Variants in UBE2V2 observed in about 807,000 individuals in gnomAD.
UBE2V2 encodes ubiquitin-conjugating enzyme E2 variant 2.
UBE2V2 carries 9 observed loss-of-function variants against 17.2 expected under a neutral mutation model. That is an observed-to-expected ratio of 0.52 (90% CI 0.32 to 0.91). The LOEUF (loss-of-function observed/expected upper bound fraction) is 0.91. Among genes scored for constraint, UBE2V2 ranks in the 40% least tolerant of loss-of-function variants. The pLI, the probability that UBE2V2 is intolerant of heterozygous loss-of-function variation, is 0.04. For synonymous variants in UBE2V2, 61 were observed against 57.5 expected (o/e 1.06, Z -0.28); for missense variants, 133 against 182.6 (o/e 0.73, Z 1.56).
chr8:48,031,965 C>T (rs2091386322), intron 1 of UBE2V2, among the ~76,000 whole-genome samples: 1 of 152,074 alleles, frequency 6.6e-6, no homozygotes, highest in African/African-American at 2.4e-5. Flanking sequence ...TTTTTTTCTG[C>T]TATATTTCAT....
At chr8:48,010,066 A>T (rs1264712344) in intron 1 of UBE2V2, among the ~76,000 whole-genome samples, 1 of 152,186 alleles carries the variant, frequency 6.6e-6, no homozygotes, top group Non-Finnish European at 1.5e-5. Context: ...ATTAAACACA[A>T]TTTTTTCATA....
chr8:48,020,436 G>T (rs2091297307), intron 1 of UBE2V2, among the ~76,000 whole-genome samples: 1 of 151,756 alleles, frequency 6.6e-6, no homozygotes, highest in African/African-American at 2.4e-5. Flanking sequence ...GTTGGGTCTT[G>T]TTTTTTTTAA....
chr8:48,009,532 C>T (rs1003830100), intron 1 of UBE2V2, among the ~76,000 whole-genome samples: 1 of 152,162 alleles, frequency 6.6e-6, no homozygotes, highest in Admixed American at 6.6e-5. Flanking sequence ...TCCCAGAGTG[C>T]TGGAATTACA....
At chr8:48,013,483 G>A (rs2091247461) in intron 1 of UBE2V2, among the ~76,000 whole-genome samples, 1 of 151,782 alleles carries the variant, frequency 6.6e-6, no homozygotes, top group Non-Finnish European at 1.5e-5. Flanking sequence ...AATTTTTTTT[G>A]TATTTTTAGT....
At chr8:48,008,353 G>C (rs778751101), upstream of UBE2V2, 1 of 1,407,976 alleles carries the variant, frequency 7.1e-7, no homozygotes, top group Non-Finnish European at 9.2e-7. Flanking sequence ...CGCCCGCCGG[G>C]GGCGGAGTCC....
At chr8:48,009,202 A>G (rs1563846596) in intron 1 of UBE2V2, among the ~76,000 whole-genome samples, 1 of 152,114 alleles carries the variant, frequency 6.6e-6, no homozygotes, top group Non-Finnish European at 1.5e-5. Flanking sequence ...AAATGTTAAA[A>G]ACGTTAAGCT....
At chr8:48,053,755 C>T (rs2091554717) in intron 3 of UBE2V2, among the ~76,000 whole-genome samples, 2 of 151,090 alleles carry the variant, frequency 1.3e-5, no homozygotes, top group South Asian at 2.1e-4. Flanking sequence ...ACAAAGACTA[C>T]ATTATAAATA....
intron 1 of UBE2V2, chr8:48,034,939 C>A: frequency 1.2e-6 from 1 of 841,658 alleles, no homozygotes; most frequent in Non-Finnish European, 1.4e-6. Flanking sequence ...CCCCTCCCTG[C>A]AGCCTCTCCA....
chr8:48,005,999 C>A (rs1396780894), upstream of UBE2V2, among the ~76,000 whole-genome samples: 2 of 152,184 alleles, frequency 1.3e-5, no homozygotes, highest in Non-Finnish European at 2.9e-5. Context: ...TTTTGCTGTG[C>A]AGAAGCTCTT....
chr8:48,043,925 ATTT>A (rs747460747), intron 2 of UBE2V2, among the ~76,000 whole-genome samples: 3 of 134,522 alleles, frequency 2.2e-5, no homozygotes, highest in Non-Finnish European at 3.2e-5. Flanking sequence ...CTAGCTTGGG[ATTT>A]TTTTTTTTTT....
chr8:48,020,798 C>T (rs1438062611), intron 1 of UBE2V2, among the ~76,000 whole-genome samples: 2 of 151,970 alleles, frequency 1.3e-5, no homozygotes, highest in Non-Finnish European at 1.5e-5. Context: ...GATACGGGGT[C>T]TTGCCATGTT....
chr8:48,035,765 C>G (rs1328889483), intron 1 of UBE2V2, among the ~76,000 whole-genome samples: 1 of 146,540 alleles, frequency 6.8e-6, no homozygotes, highest in Non-Finnish European at 1.5e-5. Context: ...AGGTACATGC[C>G]ACTATGCCAG....
chr8:48,012,357 T>C (rs980109257), intron 1 of UBE2V2, among the ~76,000 whole-genome samples: 4 of 152,166 alleles, frequency 2.6e-5, no homozygotes, highest in East Asian at 3.8e-4. Flanking sequence ...AATTTGATAC[T>C]GTTTAGTACT....
chr8:48,046,189 G>A (rs959947923), intron 2 of UBE2V2, among the ~76,000 whole-genome samples: 7 of 151,614 alleles, frequency 4.6e-5, no homozygotes, highest in African/African-American at 4.8e-5. Context: ...GCGCCATCTC[G>A]GCTCACTGCA....
At chr8:48,059,450 C>A (rs1409758487) in intron 3 of UBE2V2, among the ~76,000 whole-genome samples, 1 of 151,948 alleles carries the variant, frequency 6.6e-6, no homozygotes, top group Non-Finnish European at 1.5e-5. Flanking sequence ...AGTCTGTCGC[C>A]CAGGCTGGAG....
intron 1 of UBE2V2, among the ~76,000 whole-genome samples, chr8:48,019,181 A>G (rs1363761218): frequency 6.6e-6 from 1 of 152,150 alleles, no homozygotes; most frequent in Non-Finnish European, 1.5e-5. Context: ...CCTGGCCAAA[A>G]TGGTGAAACC....
chr8:48,050,177 T>C, intron 3 of UBE2V2, 199 bp downstream of exon 3: 1 of 357,232 alleles, frequency 2.8e-6, no homozygotes, highest in Non-Finnish European at 4.9e-6. Flanking sequence ...TAGGCCATCC[T>C]TAAAAACCTT....
chr8:48,025,955 G>C lies in UBE2V2; in HGVS notation c.17-17078G>C, dbSNP rs186683938. On this transcript the variant is annotated intron_variant, in intron 1 of 3. Coordinates refer to ENST00000523111, the MANE Select transcript of UBE2V2 (RefSeq NM_003350.3). Reference sequence around the variant, plus strand: ...GAGGCGAGGGAAAGGGAGGTTATTGGGAGTGTTTTAAGTGTTTGATAGAAA... The same window carrying C: ...GAGGCGAGGGAAAGGGAGGTTATTGCGAGTGTTTTAAGTGTTTGATAGAAA... Among the ~76,000 whole-genome samples the C allele has an allele frequency of 1.8e-3, 281 of 152,218 alleles. 1 individual carries two copies. The highest frequency in any genetic ancestry group is 6.6e-3 in the African/African-American group (274 of 41,548).
the UBE2V2 span, among the ~76,000 whole-genome samples, chr8:47,997,860 G>A: frequency 2.0e-5 from 3 of 152,000 alleles, no homozygotes; most frequent in South Asian, 4.2e-4. Context: ...CTGTTCTGGT[G>A]GAGGATTAGG....
Sources: gnomAD v4.1 joint callset for allele counts (sites outside exome capture counted in the v4.1 genomes callset) on GRCh38, gnomAD v4.1.1 for gene constraint, MANE v1.5 for transcripts, NCBI Gene and HGNC (gene_info 2026-07-23, HGNC 2026-07-21) for gene names.